The following NLGN1 variants were observed in gnomAD, a reference collection of about 807,000 sequenced individuals.
NLGN1 encodes the protein neuroligin 1.
A neutral mutation model predicts 65.5 loss-of-function variants in NLGN1; 12 were observed. The observed-to-expected ratio is 0.18, with a 90% CI of 0.12 to 0.30. The LOEUF is 0.30. NLGN1 is among the 10% of genes least tolerant of loss of function. NLGN1 has a pLI of 1.00. For synonymous variants in NLGN1, 350 were observed against 359.5 expected, an observed-to-expected ratio of 0.97 and a Z score of 0.30; for missense variants, 750 against 1,007.1, an observed-to-expected ratio of 0.74 and a Z score of 3.46.
At chr3:173,848,989 G>T (rs1726357413) in intron 4 of NLGN1, among the ~76,000 whole-genome samples, 1 of 152,098 alleles carries the variant, frequency 6.6e-6, no homozygotes, top group Admixed American at 6.6e-5. Context: ...TATGAGCTGA[G>T]AAACCAACTG....
chr3:174,283,702 C>T (rs750968740), exon 7 of NLGN1: 21 of 151,166 alleles, frequency 1.4e-4, no homozygotes, highest in Non-Finnish European at 3.0e-4. Context: ...GGTATTCCTC[C>T]ATAATTAAAA....
At chr3:173,480,351 A>T (rs1426623658) in intron 2 of NLGN1, among the ~76,000 whole-genome samples, 1 of 152,100 alleles carries the variant, frequency 6.6e-6, no homozygotes, top group Non-Finnish European at 1.5e-5. Flanking sequence ...GAAATTGTCC[A>T]ACTCTCACTG....
intron 3 of NLGN1, among the ~76,000 whole-genome samples, chr3:173,706,326 G>A (rs893052953): frequency 2.0e-5 from 3 of 152,148 alleles, no homozygotes; most frequent in Non-Finnish European, 2.9e-5. Context: ...AGAAATAGAT[G>A]TAATTTTAAA....
intron 3 of NLGN1, among the ~76,000 whole-genome samples, chr3:173,691,028 A>T (rs1003423346): frequency 1.3e-5 from 2 of 152,282 alleles, no homozygotes; most frequent in East Asian, 3.9e-4. Context: ...CGAAATATTA[A>T]CTGGGGATTC....
At chr3:173,532,465 A>G in intron 2 of NLGN1, among the ~76,000 whole-genome samples, 1 of 152,166 alleles carries the variant, frequency 6.6e-6, no homozygotes, top group East Asian at 1.9e-4. Flanking sequence ...AGGATAACCC[A>G]TAGTCGTCTT....
At chr3:174,141,905 ATAC>A (rs1350150576) in intron 4 of NLGN1, among the ~76,000 whole-genome samples, 1 of 152,216 alleles carries the variant, frequency 6.6e-6, no homozygotes, top group African/African-American at 2.4e-5. Context: ...TTATTATTTG[ATAC>A]TACATTTATA....
At chr3:174,016,269 G>A (rs1472085426) in intron 4 of NLGN1, among the ~76,000 whole-genome samples, 1 of 152,146 alleles carries the variant, frequency 6.6e-6, no homozygotes, top group East Asian at 1.9e-4. Context: ...AAACTTTTGG[G>A]TTATGACTTT....
At position 173,845,606 on chromosome 3, in the gene NLGN1, G is replaced by GGATAGATAGATA. The variant is rs10546469; in HGVS notation, c.646+37807_646+37818dup. Among the ~76,000 whole-genome samples the GGATAGATAGATA allele has an allele frequency of 2.5e-3, 371 of 147,040 alleles. 1 individual carries two copies. Among genetic ancestry groups the GGATAGATAGATA allele is most frequent in the East Asian group, 6.5e-3 (32 of 4,886 alleles). Reference sequence around the variant, plus strand: ...TGGATAGACAGATAGGTAGGTGGATGGATAGATAGATAGATAGATAGATAG... The same window carrying GGATAGATAGATA: ...TGGATAGACAGATAGGTAGGTGGATGGATAGATAGATAGATAGATAGATAGATAGATAGATAG... On this transcript the variant is annotated intron_variant, in intron 4 of 6. Coordinates refer to ENST00000457714, the Ensembl canonical transcript of NLGN1.
At chr3:173,817,103 T>G (rs1166883751) in intron 4 of NLGN1, among the ~76,000 whole-genome samples, 1 of 152,162 alleles carries the variant, frequency 6.6e-6, no homozygotes, top group Non-Finnish European at 1.5e-5. Context: ...TGATCAGATG[T>G]GGTCATAAAG....
intron 3 of NLGN1, among the ~76,000 whole-genome samples, chr3:173,741,196 C>G (rs1296715976): frequency 6.6e-5 from 10 of 152,060 alleles, no homozygotes; most frequent in Admixed American, 6.6e-4. Flanking sequence ...TAACTTGCTG[C>G]TTGGATTCCA....
chr3:174,152,937 A>G (rs1187924452), intron 4 of NLGN1, among the ~76,000 whole-genome samples: 1 of 152,136 alleles, frequency 6.6e-6, no homozygotes, highest in South Asian at 2.1e-4. Flanking sequence ...AAAAGTCTTT[A>G]CTATCTTTTC....
At chr3:173,613,011 C>T (rs761656044) in intron 3 of NLGN1, among the ~76,000 whole-genome samples, 3 of 152,030 alleles carry the variant, frequency 2.0e-5, no homozygotes, top group Non-Finnish European at 2.9e-5. Flanking sequence ...ATGACCTCAA[C>T]GTAATTAATT....
Position 173,481,090 on chromosome 3 carries a change from A to G in NLGN1, c.-321+46012A>G, listed in dbSNP as rs78526143. On this transcript the variant is annotated intron_variant, in intron 2 of 6. Coordinates refer to ENST00000457714, the Ensembl canonical transcript of NLGN1. ...ATTTTTCAGATAAGGAAATTGAGGC[A>G]TAGAAAGCTGGCATTCAAATCAAGG... is the stretch of plus-strand genomic sequence containing the variant. Among the ~76,000 whole-genome samples the G allele has an allele frequency of 8.3e-3, 1,265 of 152,180 alleles. 7 individuals carry two copies. The highest frequency in any genetic ancestry group is 0.012 in the Admixed American group (186 of 15,268).
At chr3:173,990,169 C>CA (rs1369027456) in intron 4 of NLGN1, among the ~76,000 whole-genome samples, 1 of 152,068 alleles carries the variant, frequency 6.6e-6, no homozygotes, top group Non-Finnish European at 1.5e-5. Flanking sequence ...AGGCTTTACC[C>CA]AAAATCTATT....
chr3:173,571,826 A>G (rs1214726629), intron 2 of NLGN1, among the ~76,000 whole-genome samples: 2 of 152,146 alleles, frequency 1.3e-5, no homozygotes, highest in East Asian at 1.9e-4. Context: ...TTCTCCTATT[A>G]ATAATACTGC....
chr3:174,191,713 T>C (rs2152760944), intron 4 of NLGN1, among the ~76,000 whole-genome samples: 1 of 152,272 alleles, frequency 6.6e-6, no homozygotes, highest in East Asian at 1.9e-4. Flanking sequence ...CGAATTGGGA[T>C]CATTAAGAAT....
chr3:173,746,938 A>G (rs922396670), intron 3 of NLGN1, among the ~76,000 whole-genome samples: 32 of 151,780 alleles, frequency 2.1e-4, no homozygotes, highest in African/African-American at 7.3e-4. Flanking sequence ...TTGCATCTGT[A>G]GTCCCAGCTA....
At chr3:174,048,527 T>C (rs1184754409) in intron 4 of NLGN1, among the ~76,000 whole-genome samples, 1 of 151,656 alleles carries the variant, frequency 6.6e-6, no homozygotes, top group African/African-American at 2.4e-5. Context: ...AGATAATTAC[T>C]GAAGCTGAAA....
chr3:174,016,959 ATAT>A (rs1726687779), intron 4 of NLGN1, among the ~76,000 whole-genome samples: 1 of 152,126 alleles, frequency 6.6e-6, no homozygotes, highest in Non-Finnish European at 1.5e-5. Flanking sequence ...AGCCAGAAAA[ATAT>A]TATTGCATGG....
Sources: gnomAD v4.1 joint callset for allele counts (sites outside exome capture counted in the v4.1 genomes callset) on GRCh38, gnomAD v4.1.1 for gene constraint, MANE v1.5 for transcripts, NCBI Gene and HGNC (gene_info 2026-07-23, HGNC 2026-07-21) for gene names.